Variants in CACNA1D observed in about 807,000 individuals in gnomAD.
The protein encoded by CACNA1D is calcium voltage-gated channel subunit alpha1 D.
A neutral mutation model predicts 257.1 loss-of-function variants in CACNA1D; 55 were observed. The observed-to-expected ratio is 0.21, with a 90% CI of 0.17 to 0.27. CACNA1D has a LOEUF of 0.27. CACNA1D is among the 10% of genes least tolerant of loss of function. The pLI, the probability that CACNA1D is intolerant of heterozygous loss-of-function variation, is 1.00. For synonymous variants in CACNA1D, 980 were observed against 1,014.9 expected, an observed-to-expected ratio of 0.97 and a Z score of 0.65; for missense variants, 1,876 against 2,784.0, an observed-to-expected ratio of 0.67 and a Z score of 7.34.
At chr3:53,654,183 C>T (rs888559165) in intron 4 of CACNA1D, among the ~76,000 whole-genome samples, 34 of 141,678 alleles carry the variant, frequency 2.4e-4, no homozygotes, top group Admixed American at 1.8e-3. Context: ...GAAAATGACA[C>T]GAGGTAGAAA....
intron 27 of CACNA1D, among the ~76,000 whole-genome samples, chr3:53,750,905 G>A (rs1306977082): frequency 6.6e-6 from 1 of 152,210 alleles, no homozygotes; most frequent in African/African-American, 2.4e-5. Flanking sequence ...TGCAGAGGGT[G>A]GACCAGCCCC....
intron 9 of CACNA1D, among the ~76,000 whole-genome samples, chr3:53,706,128 C>G (rs942787642): frequency 2.6e-5 from 4 of 152,208 alleles, no homozygotes; most frequent in African/African-American, 7.2e-5. Flanking sequence ...GCGCAGGGCC[C>G]GGGCTCCTGA....
Position 53,732,962 on chromosome 3 carries a change from C to G in CACNA1D, c.2621C>G (p.Pro874Arg). The change falls in exon 19 of 48, where the codon CCG (proline) becomes CGG (arginine). Residue 874 changes from proline (P) to arginine (R), a missense_variant and splice_region_variant. Physicochemically the swap from Pro to Arg is moderately radical, Grantham distance 103. Coordinates refer to ENST00000350061, the MANE Select transcript of CACNA1D (RefSeq NM_001128840.3). ...SAFFILSKTN[P>R]IRVGCHKLIN... ...TTCTTCATTCTTAGCAAGACCAACC[C>G]GTAAATACTCCCCTTCTAGTCTCTC... is the stretch of plus-strand genomic sequence containing the variant. 1 of 1,613,860 alleles carries G rather than the reference C, an allele frequency of 6.2e-7. No individual in the cohort carries two copies. Among genetic ancestry groups the G allele is most frequent in the Middle Eastern group, 1.7e-4 (1 of 6,056 alleles).
At chr3:53,655,403 A>G (rs1054234470) in intron 4 of CACNA1D, among the ~76,000 whole-genome samples, 2 of 152,214 alleles carry the variant, frequency 1.3e-5, no homozygotes, top group African/African-American at 4.8e-5. Flanking sequence ...ACTGCTTTCC[A>G]CAATGGATGA....
At chr3:53,709,774 G>A (rs1434501970) in intron 9 of CACNA1D, among the ~76,000 whole-genome samples, 1 of 152,198 alleles carries the variant, frequency 6.6e-6, no homozygotes, top group Non-Finnish European at 1.5e-5. Flanking sequence ...AGTAGTGGTG[G>A]TTGATTGTGC....
intron 32 of CACNA1D, among the ~76,000 whole-genome samples, chr3:53,771,699 A>T (rs2095367225): frequency 1.3e-5 from 2 of 152,272 alleles, no homozygotes; most frequent in Non-Finnish European, 2.9e-5. Flanking sequence ...ATGTTATCTC[A>T]CTTTTTAAAG....
chr3:53,701,377 C>A (rs2094623971), intron 8 of CACNA1D, among the ~76,000 whole-genome samples: 1 of 152,098 alleles, frequency 6.6e-6, no homozygotes, highest in Admixed American at 6.5e-5. Context: ...CATGATCCAC[C>A]CACCTTGGCT....
rs3082748 is a variant in CACNA1D at position 53,653,720 on chromosome 3, C to CAT, written c.623+2813_623+2814dup. The stretch of plus-strand genomic sequence containing the variant: ...TGTGGGGGAATAACAAGTGGTCTAA[C>CAT]ATATATATATATTTGGAGCCTCAGA... On this transcript the variant is annotated intron_variant, in intron 4 of 47. Coordinates refer to ENST00000350061, the MANE Select transcript of CACNA1D (RefSeq NM_001128840.3). 1.9e-4 allele frequency among the ~76,000 whole-genome samples: 28 copies of CAT among 150,848 alleles called. 1 individual carries two copies. The highest frequency in any genetic ancestry group is 5.3e-4 in the African/African-American group (22 of 41,184).
chr3:53,803,035 G>A (rs1465221337), intron 43 of CACNA1D, among the ~76,000 whole-genome samples: 5 of 152,188 alleles, frequency 3.3e-5, no homozygotes, highest in African/African-American at 1.2e-4. Flanking sequence ...ACACTGGGCT[G>A]GAGCTGGGGG....
chr3:53,753,380 A>C (rs191741188), intron 28 of CACNA1D, among the ~76,000 whole-genome samples, 192 bp from the exon 29 acceptor site: 29 of 152,314 alleles, frequency 1.9e-4, no homozygotes, highest in Admixed American at 1.8e-3. Context: ...AATCATCCTC[A>C]TCTTGTCACA....
At position 53,495,368 on chromosome 3, in the gene CACNA1D, CAGAG is replaced by C. The variant is rs2090299266; in HGVS notation, c.67+138_67+141del. On this transcript the variant is annotated intron_variant, in intron 1 of 47. Transcript: ENST00000350061. This position sits in a 1 kb window ranked among gnomAD's most constrained non-coding sequence, Gnocchi z 5.1. ...TGCTGCCAGCTCGGTGTCGTCTACA[CAGAG>C]AGGGGACATGCGTGACAGCCACTCC... 3.0e-6 allele frequency: 3 copies of C among 986,918 alleles called. No homozygotes were observed. In the Admixed American group the frequency reaches 5.5e-5, roughly 18 times the overall value. 61.1% of individuals were successfully genotyped at this position (986,918 alleles called of 1,614,324 possible).
intron 3 of CACNA1D, among the ~76,000 whole-genome samples, chr3:53,576,361 G>A (rs1196191070): frequency 6.6e-6 from 1 of 152,198 alleles, no homozygotes; most frequent in Non-Finnish European, 1.5e-5. Flanking sequence ...GAAATTTTAA[G>A]TGGATTTAAA....
chr3:53,718,086 C>T (rs1018253192), intron 9 of CACNA1D, among the ~76,000 whole-genome samples: 1 of 152,152 alleles, frequency 6.6e-6, no homozygotes, highest in Non-Finnish European at 1.5e-5. Context: ...TCGAGGGGGA[C>T]TGTGTTTCCT....
At chr3:53,551,974 G>A (rs1455565744) in intron 3 of CACNA1D, among the ~76,000 whole-genome samples, 2 of 152,150 alleles carry the variant, frequency 1.3e-5, no homozygotes, top group Non-Finnish European at 2.9e-5. Context: ...AGTACTAGGT[G>A]GTATTTTCAG....
At position 53,811,113 on chromosome 3, in the gene CACNA1D, G is replaced by C; in HGVS notation, c.6193G>C (p.Val2065Leu). Residue 2065 changes from valine (V) to leucine (L), a missense_variant and splice_region_variant, in exon 48 of 48, where the codon GTC becomes CTC. By Grantham distance (32) the Val-to-Leu change is conservative. Coordinates refer to ENST00000350061, the MANE Select transcript of CACNA1D (RefSeq NM_001128840.3). The surrounding 1 kb of genome is among the most constrained non-coding windows in gnomAD (Gnocchi z 4.2). The part of the protein sequence containing the change: ...QRSADSLVEA[V>L]LISEGLGRYA... ...CCATCCATCCCTCTTTTCTGTACAG[G>C]TCCTGATATCCGAAGGCTTGGGACG... The C allele has an allele frequency of 6.2e-7, 1 of 1,613,542 alleles. No individual in the cohort carries two copies. Among genetic ancestry groups the C allele is most frequent in the African/African-American group, 1.3e-5 (1 of 74,992 alleles).
At chr3:53,600,994 C>G (rs368382462) in intron 3 of CACNA1D, among the ~76,000 whole-genome samples, 50 of 152,326 alleles carry the variant, frequency 3.3e-4, no homozygotes, top group African/African-American at 1.1e-3. Flanking sequence ...GGGGCACCCT[C>G]TCTAACTCCA....
rs183843147 is a variant in CACNA1D at position 53,595,959 on chromosome 3, G to A, written c.484-54820G>A. ...ATTATGGCATCTGTTGTCAACAACC[G>A]GTTTAGACCTTCTTGATCTCCTGGG... On this transcript the variant is annotated intron_variant, in intron 3 of 47. Transcript: ENST00000350061. Among the ~76,000 whole-genome samples, 60 of 152,236 alleles carry A rather than the reference G, an allele frequency of 3.9e-4. No individual in the cohort carries two copies. The East Asian group carries it at 9.1e-3, about 23-fold the overall frequency.
chr3:53,652,986 C>T (rs1235236608), intron 4 of CACNA1D, among the ~76,000 whole-genome samples: 2 of 152,342 alleles, frequency 1.3e-5, no homozygotes, highest in South Asian at 2.1e-4. Context: ...CATGGTGGCT[C>T]ATGCCTATAA....
At chr3:53,503,779 G>A (rs1339692906) in intron 3 of CACNA1D, among the ~76,000 whole-genome samples, 2 of 147,998 alleles carry the variant, frequency 1.4e-5, no homozygotes, top group Admixed American at 6.7e-5. Context: ...TTTTTTTTGT[G>A]GGGGGGGATT....
Sources: allele counts gnomAD v4.1 joint callset (sites outside exome capture counted in the v4.1 genomes callset), GRCh38; gene constraint gnomAD v4.1.1; non-coding constraint Gnocchi (gnomAD v3.1); transcripts MANE v1.5; gene names NCBI Gene and HGNC (gene_info 2026-07-23, HGNC 2026-07-21).